ART1: variants seen among roughly 807,000 people sequenced by gnomAD.
ART1 encodes ADP-ribosyltransferase 1.
In ART1, 29 loss-of-function variants were observed where a neutral mutation model predicts 27.0. The ratio of observed to expected loss-of-function variants is 1.08; its 90% confidence interval spans 0.80 to 1.47. ART1 has a LOEUF of 1.47. ART1 is among the 40% of genes most tolerant of loss of function. ART1 has a pLI of 0.00. For missense variants in ART1, 480 were observed against 423.0 expected, an observed-to-expected ratio of 1.13 and a Z score of -1.18; for synonymous variants, 201 against 172.2, an observed-to-expected ratio of 1.17 and a Z score of -1.31.
intron 1 of ART1, among the ~76,000 whole-genome samples, chr11:3,653,799 A>C (rs200316536): frequency 7.5e-6 from 1 of 132,686 alleles, no homozygotes; most frequent in Admixed American, 7.3e-5. Context: ...ACCTCTGTCT[A>C]TCCTCACTGC....
chr11:3,661,293 T>C lies in ART1; in HGVS notation c.845-79T>C, dbSNP rs374277703. The C allele has an allele frequency of 1.1e-4, 151 of 1,331,260 alleles. 1 individual carries two copies. In the African/African-American group the frequency reaches 1.9e-3, roughly 17 times the overall value. The allele number at this position is 1,331,260 out of a possible 1,614,324, so 82.5% of individuals were successfully genotyped here. A position where few individuals can be genotyped will look rare whatever the true frequency, so the allele number is the denominator to read the frequency against. On this transcript the variant is annotated intron_variant, in intron 3 of 4. Coordinates refer to ENST00000250693, the MANE Select transcript of ART1 (RefSeq NM_004314.3). ...AACTTCTCCTAGAACAAGTCAGGGA[T>C]GGACTACCAGGGCTCTGAGGTCCCT...
At chr11:3,656,622 T>C (rs2077578012) in intron 1 of ART1, among the ~76,000 whole-genome samples, 1 of 152,096 alleles carries the variant, frequency 6.6e-6, no homozygotes, top group Non-Finnish European at 1.5e-5. Flanking sequence ...CTTCAGGTGA[T>C]CCGCCCACCT....
chr11:3,664,118 G>C lies in ART1; in HGVS notation c.913G>C (p.Val305Leu). Residue 305 changes from valine to leucine, a missense_variant, in exon 5 of 5, where the codon GTC becomes CTC. By Grantham distance (32) the Val-to-Leu change is conservative. Transcript: ENST00000250693. ...SAMGQSPLSAVWSLLLLLWFL... is the reference protein window; with the variant it reads ...SAMGQSPLSALWSLLLLLWFL... ...CATGGGTCAGAGCCCCCTCTCTGCA[G>C]TCTGGTCTTTGCTGCTGCTGCTCTG... is the stretch of plus-strand genomic sequence containing the variant. 1 of 1,614,000 alleles carries C rather than the reference G, an allele frequency of 6.2e-7. No homozygotes were observed. Among genetic ancestry groups the C allele is most frequent in the East Asian group, 2.2e-5 (1 of 44,880 alleles).
At chr11:3,653,130 G>A (rs1342865551) in intron 1 of ART1, among the ~76,000 whole-genome samples, 3 of 147,998 alleles carry the variant, frequency 2.0e-5, no homozygotes, top group East Asian at 1.9e-4. Flanking sequence ...GAGAAACATC[G>A]CCCATTATCT....
intron 4 of ART1, among the ~76,000 whole-genome samples, chr11:3,663,041 ATCTCATCTCATC>A (rs2077631664): frequency 9.6e-6 from 1 of 103,902 alleles, no homozygotes; most frequent in African/African-American, 4.2e-5. Context: ...TCATCATCTC[ATCTCATCTCATC>A]TCATCTCATC....
At chr11:3,657,257 G>A (rs919220917) in intron 1 of ART1, among the ~76,000 whole-genome samples, 1 of 152,150 alleles carries the variant, frequency 6.6e-6, no homozygotes, top group African/African-American at 2.4e-5. Context: ...AAGACCCATT[G>A]ACTATATTAC....
intron 1 of ART1, among the ~76,000 whole-genome samples, chr11:3,645,961 G>A (rs1243844116): frequency 6.6e-6 from 1 of 152,194 alleles, no homozygotes; most frequent in East Asian, 1.9e-4. Context: ...CAGAAGCCAA[G>A]CAGGAGTGGC....
At position 3,659,788 on chromosome 11, in the gene ART1, A is replaced by AGGCCAGGT; in HGVS notation, c.276_283dup (p.Glu95GlyfsTer67). On this transcript the variant is annotated frameshift_variant, in exon 3 of 5. Transcript: ENST00000250693. LOFTEE classifies it high-confidence loss of function. ...GCAAGCAGCCAATGGCAGGAGCGTC[A>AGGCCAGGT]GGCCAGGTGGCCAGAGTGGAGTCTC... 1 of 1,613,278 alleles carries AGGCCAGGT rather than the reference A, an allele frequency of 6.2e-7. No individual in the cohort carries two copies. The highest frequency in any genetic ancestry group is 1.3e-5 in the African/African-American group (1 of 75,054).
intron 1 of ART1, among the ~76,000 whole-genome samples, chr11:3,650,775 C>T (rs1327068025): frequency 1.3e-5 from 2 of 150,864 alleles, no homozygotes; most frequent in Non-Finnish European, 3.0e-5. Context: ...GCCACCTTTT[C>T]CCCCAGTTCA....
chr11:3,664,377 G>T lies in ART1; in HGVS notation c.*188G>T, dbSNP rs72844387. ...AATCTGGGGACTGAACCTTACCCAG[G>T]GCTGTAGGAGTGAGACTCTGAATAA... On this transcript the variant is annotated 3_prime_UTR_variant, in exon 5 of 5. Coordinates refer to ENST00000250693, the MANE Select transcript of ART1 (RefSeq NM_004314.3). The T allele has an allele frequency of 0.053, 30,814 of 586,512 alleles. 998 individuals are homozygous for T. The highest frequency in any genetic ancestry group is 0.067 in the Non-Finnish European group (22,298 of 331,846). The allele number at this position is 586,512 out of a possible 1,614,324, so 36.3% of individuals were successfully genotyped here.
At chr11:3,656,001 C>T (rs995658850) in intron 1 of ART1, among the ~76,000 whole-genome samples, 4 of 146,534 alleles carry the variant, frequency 2.7e-5, no homozygotes, top group Admixed American at 7.1e-5. Flanking sequence ...GGTGCGATCT[C>T]GGGTCACTGC....
chr11:3,661,282 C>A, intron 3 of ART1, 90 bp from the exon 4 acceptor site: 1 of 1,216,462 alleles, frequency 8.2e-7, no homozygotes, highest in South Asian at 1.4e-5. Context: ...TCTCCTAGAA[C>A]AAGTCAGGGA....
intron 1 of ART1, among the ~76,000 whole-genome samples, chr11:3,650,436 C>G (rs1186531813): frequency 2.6e-5 from 4 of 152,200 alleles, no homozygotes; most frequent in Non-Finnish European, 5.9e-5. Flanking sequence ...GCCTCGGAAG[C>G]CCCCTAGACC....
chr11:3,660,200 C>T lies in ART1; in HGVS notation c.681C>T (p.Ala227=), dbSNP rs1331885847. Residue 227 remains alanine, a synonymous_variant, in exon 3 of 5, where the codon GCC becomes GCT. Transcript: ENST00000250693. ...TCGGCATCTGGACCTGCCTTGGGGCCCCTATCAAGGGCTACTCCTTCTTCC... is the reference window on the plus strand; with the variant it reads ...TCGGCATCTGGACCTGCCTTGGGGCTCCTATCAAGGGCTACTCCTTCTTCC... ...TFFGIWTCLG[A]PIKGYSFFPG... 1.2e-6 allele frequency: 2 copies of T among 1,614,064 alleles called. No homozygotes were observed. The highest frequency in any genetic ancestry group is 2.2e-5 in the East Asian group (1 of 44,868).
At chr11:3,656,138 T>G (rs2077572952) in intron 1 of ART1, among the ~76,000 whole-genome samples, 1 of 151,988 alleles carries the variant, frequency 6.6e-6, no homozygotes, top group African/African-American at 2.4e-5. Flanking sequence ...TTCACCATGT[T>G]GGCCAGTCTG....
chr11:3,664,119 T>C lies in ART1; in HGVS notation c.914T>C (p.Val305Ala), dbSNP rs1281317242. 1 of 1,614,012 alleles carries C rather than the reference T, an allele frequency of 6.2e-7. No homozygotes were observed. The highest frequency in any genetic ancestry group is 1.7e-5 in the Admixed American group (1 of 60,016). ...SAMGQSPLSA[V>A]WSLLLLLWFL... ...ATGGGTCAGAGCCCCCTCTCTGCAG[T>C]CTGGTCTTTGCTGCTGCTGCTCTGG... The change falls in exon 5 of 5, where the codon GTC becomes GCC. Residue 305 changes from valine (V) to alanine (A), a missense_variant. Transcript: ENST00000250693.
At chr11:3,655,226 G>A (rs1410159897) in intron 1 of ART1, among the ~76,000 whole-genome samples, 1 of 152,164 alleles carries the variant, frequency 6.6e-6, no homozygotes, top group Non-Finnish European at 1.5e-5. Context: ...AAGACTCTCA[G>A]TTTCCTTCCC....
chr11:3,647,324 A>C (rs544615772), intron 1 of ART1, among the ~76,000 whole-genome samples: 49 of 136,880 alleles, frequency 3.6e-4, no homozygotes, highest in South Asian at 3.1e-3. Flanking sequence ...CCGTCTCAAA[A>C]AAAACAAAAC....
chr11:3,660,290 G>C lies in ART1; in HGVS notation c.771G>C (p.Leu257=). 6.2e-7 allele frequency: 1 copy of C among 1,609,858 alleles called. No individual in the cohort carries two copies. The highest frequency in any genetic ancestry group is 8.5e-7 in the Non-Finnish European group (1 of 1,179,886). ...TCCAAGTGATCAATGCCAGCAGACT[G>C]GCCCAGGGCCCCGCCCGCATCTACC... ...ETFQVINASR[L]AQGPARIYLR... Residue 257 remains leucine (L), a synonymous_variant, in exon 3 of 5, where the codon CTG becomes CTC. Transcript: ENST00000250693.
Sources: allele counts gnomAD v4.1 joint callset (sites outside exome capture counted in the v4.1 genomes callset), GRCh38; gene constraint gnomAD v4.1.1; transcripts MANE v1.5; gene names NCBI Gene and HGNC (gene_info 2026-07-23, HGNC 2026-07-21).